The following EPHB1 variants were observed in gnomAD, a reference collection of about 807,000 sequenced individuals.
The protein encoded by EPHB1 is EPH receptor B1, also known as ephrin type-B receptor 1.
In EPHB1, 30 loss-of-function variants were observed where a neutral mutation model predicts 94.4. The ratio of observed to expected loss-of-function variants is 0.32; its 90% CI spans 0.24 to 0.43. The LOEUF (loss-of-function observed/expected upper bound fraction) is 0.43. Among genes scored for constraint, EPHB1 ranks in the 20% least tolerant of loss-of-function variants. The pLI is 1.00. For missense variants in EPHB1, 1,055 were observed against 1,308.3 expected (o/e 0.81, Z 2.99); for synonymous variants, 522 against 489.1 (o/e 1.07, Z -0.89).
rs558889662 is a variant in EPHB1, at chr3:135,134,371, T to C, written c.1297+1322T>C. Among the ~76,000 whole-genome samples the C allele has an allele frequency of 8.5e-4, 130 of 152,296 alleles. 1 individual carries two copies. The highest frequency in any genetic ancestry group is 2.9e-3 in the African/African-American group (122 of 41,552). On this transcript the variant is annotated intron_variant, in intron 5 of 15. Coordinates refer to ENST00000398015, the MANE Select transcript of EPHB1 (RefSeq NM_004441.5). ...ATTCTGCTTCTTTTAAAACCAGGCA[T>C]CTTAGGCATCTTTGATGGCATATGA... is the stretch of plus-strand genomic sequence containing the variant.
At chr3:135,121,672 C>G (rs1173615138) in intron 4 of EPHB1, among the ~76,000 whole-genome samples, 1 of 152,066 alleles carries the variant, frequency 6.6e-6, no homozygotes, top group Admixed American at 6.6e-5. Context: ...GTGAGCAGGG[C>G]TTGGCACAAG....
In EPHB1 at chr3:135,201,516, C is replaced by T; in HGVS notation, c.2173C>T (p.Leu725Phe). Reference protein sequence around the residue: ...QFTVIQLVGMLRGIAAGMKYL... With the variant: ...QFTVIQLVGMFRGIAAGMKYL... ...CACCGTGATCCAGCTTGTGGGTATG[C>T]TCAGGGGCATCGCTGCTGGCATGAA... Residue 725 changes from leucine to phenylalanine, a missense_variant, in exon 12 of 16, where the codon CTC becomes TTC. Leu to Phe is a conservative substitution (Grantham distance 22, BLOSUM62 0). Coordinates refer to ENST00000398015, the MANE Select transcript of EPHB1 (RefSeq NM_004441.5). 6.2e-7 allele frequency: 1 copy of T among 1,613,976 alleles called. No homozygotes were observed. The highest frequency in any genetic ancestry group is 1.3e-5 in the African/African-American group (1 of 74,992).
chr3:134,935,235 G>T (rs1424565224), intron 2 of EPHB1, among the ~76,000 whole-genome samples: 1 of 152,178 alleles, frequency 6.6e-6, no homozygotes, highest in African/African-American at 2.4e-5. Context: ...GTGAAGGAAA[G>T]AAACATATTA....
rs1280386606 is a variant in EPHB1 at position 134,869,784 on chromosome 3, A to C, written c.59-56032A>C. 5.9e-5 allele frequency among the ~76,000 whole-genome samples: 9 copies of C among 152,218 alleles called. No individual in the cohort carries two copies. In the East Asian group the frequency reaches 1.7e-3, roughly 29 times the overall value. ...AACTTGCATTTGTTGTGTCTTTCCA[A>C]AGCATTCAATTTATTATCATAGAAG... On this transcript the variant is annotated intron_variant, in intron 1 of 15. Coordinates refer to ENST00000398015, the MANE Select transcript of EPHB1 (RefSeq NM_004441.5).
At chr3:134,980,284 G>A (rs1934354995) in intron 3 of EPHB1, among the ~76,000 whole-genome samples, 1 of 152,166 alleles carries the variant, frequency 6.6e-6, no homozygotes, top group Non-Finnish European at 1.5e-5. Context: ...GGTGCAATTG[G>A]ATTTCTTATG....
chr3:135,020,159 A>C (rs1935939206), intron 3 of EPHB1, among the ~76,000 whole-genome samples: 1 of 152,144 alleles, frequency 6.6e-6, no homozygotes, highest in African/African-American at 2.4e-5. Context: ...TTATTATTTT[A>C]AGTGTTCCTT....
In EPHB1 at chr3:135,147,433, G is replaced by A. The variant is rs16842682; in HGVS notation, c.1298-6719G>A. On this transcript the variant is annotated intron_variant, in intron 5 of 15. Transcript: ENST00000398015. ...ATTATTCTTCAACTTGTGTATGAAC[G>A]TTTATAGAGGCATTATTCTTCAACC... 9.7e-3 allele frequency among the ~76,000 whole-genome samples: 1,474 copies of A among 152,290 alleles called. 16 individuals are homozygous for A. The highest frequency in any genetic ancestry group is 0.012 in the Non-Finnish European group (810 of 68,026).
At chr3:134,914,250 C>T (rs1668280119) in intron 1 of EPHB1, among the ~76,000 whole-genome samples, 1 of 152,208 alleles carries the variant, frequency 6.6e-6, no homozygotes, top group Admixed American at 6.5e-5. Flanking sequence ...CTACTCCCCA[C>T]ATCAGGACAA....
At chr3:134,854,131 ATATGACGGGTCTGG>A (rs2108300852) in intron 1 of EPHB1, among the ~76,000 whole-genome samples, 1 of 152,338 alleles carries the variant, frequency 6.6e-6, no homozygotes, top group Non-Finnish European at 1.5e-5. Flanking sequence ...AGCTCCAGGC[ATATGACGGGTCTGG>A]TATTACTGGG....
At chr3:135,030,984 C>T (rs902761764) in intron 3 of EPHB1, among the ~76,000 whole-genome samples, 2 of 152,172 alleles carry the variant, frequency 1.3e-5, no homozygotes, top group African/African-American at 2.4e-5. Flanking sequence ...TGACCCTATT[C>T]TCCAGGTGCC....
chr3:135,203,071 A>T (rs1418772519), intron 12 of EPHB1, among the ~76,000 whole-genome samples: 1 of 152,218 alleles, frequency 6.6e-6, no homozygotes, highest in Admixed American at 6.5e-5. Context: ...CTTTGCAGGG[A>T]CATGCATGAA....
chr3:135,010,145 C>T (rs887174125), intron 3 of EPHB1, among the ~76,000 whole-genome samples: 5 of 152,066 alleles, frequency 3.3e-5, no homozygotes, highest in African/African-American at 9.7e-5. Flanking sequence ...AATGAAAGTG[C>T]AAAAATTGCT....
At chr3:134,922,511 G>A (rs530376264) in intron 1 of EPHB1, among the ~76,000 whole-genome samples, 1 of 152,214 alleles carries the variant, frequency 6.6e-6, no homozygotes, top group African/African-American at 2.4e-5. Flanking sequence ...ACTAGAGCAG[G>A]TGATCATGAC....
chr3:135,040,994 G>A (rs572096790), intron 3 of EPHB1, among the ~76,000 whole-genome samples: 2 of 152,108 alleles, frequency 1.3e-5, no homozygotes, highest in African/African-American at 4.8e-5. Flanking sequence ...TTAGGATAAG[G>A]CTCAGCTAGG....
intron 7 of EPHB1, among the ~76,000 whole-genome samples, chr3:135,163,692 A>G (rs1392658016): frequency 6.6e-6 from 1 of 152,244 alleles, no homozygotes; most frequent in African/African-American, 2.4e-5. Context: ...ATTCTGCTAG[A>G]CAAATCAAGA....
At chr3:135,080,201 A>G (rs1231547525) in intron 3 of EPHB1, among the ~76,000 whole-genome samples, 1 of 152,202 alleles carries the variant, frequency 6.6e-6, no homozygotes, top group Non-Finnish European at 1.5e-5. Flanking sequence ...GAAGCGAGGT[A>G]TTCCTGCAAA....
chr3:134,951,972 G>C lies in EPHB1; in HGVS notation c.725G>C (p.Gly242Ala). Residue 242 changes from glycine (G) to alanine (A), a missense_variant, in exon 3 of 16, where the codon GGG becomes GCG. Transcript: ENST00000398015. This position sits in a 1 kb window ranked among gnomAD's most constrained non-coding sequence, Gnocchi z 4.5. ...VDVPIKLYCN[G>A]DGEWMVPIGR... ...GTGCCCATCAAACTCTACTGCAACG[G>C]GGATGGGGAATGGATGGTGCCTATT... 1 of 1,614,048 alleles carries C rather than the reference G, an allele frequency of 6.2e-7. No homozygotes were observed. Among genetic ancestry groups the C allele is most frequent in the Non-Finnish European group, 8.5e-7 (1 of 1,179,896 alleles).
chr3:135,253,982 A>G (rs1460916783), intron 15 of EPHB1, among the ~76,000 whole-genome samples: 1 of 133,554 alleles, frequency 7.5e-6, no homozygotes, highest in East Asian at 2.2e-4. Flanking sequence ...GCAATTGTGA[A>G]TGGGAGTTCA....
intron 3 of EPHB1, among the ~76,000 whole-genome samples, chr3:135,064,639 C>T (rs997243400): frequency 6.6e-6 from 1 of 151,996 alleles, no homozygotes; most frequent in African/African-American, 2.4e-5. Context: ...TTTATCTTTT[C>T]AAAAAACTAC....
Sources: gnomAD v4.1 joint callset for allele counts (sites outside exome capture counted in the v4.1 genomes callset) on GRCh38, gnomAD v4.1.1 for gene constraint, Gnocchi (gnomAD v3.1) non-coding constraint, MANE v1.5 for transcripts, NCBI Gene and HGNC (gene_info 2026-07-23, HGNC 2026-07-21) for gene names.